The following RELN variants were observed in gnomAD, a reference collection of about 807,000 sequenced individuals.
RELN encodes the protein reelin.
RELN carries 108 observed loss-of-function variants against 427.6 expected under a neutral mutation model. The ratio of observed to expected loss-of-function variants is 0.25; its 90% CI spans 0.22 to 0.30. The LOEUF is 0.30. Among genes scored for constraint, RELN ranks in the 10% least tolerant of loss-of-function variants. The pLI is 1.00. For missense variants in RELN, 3,715 were observed against 4,302.8 expected (o/e 0.86, Z 3.82); for synonymous variants, 1,524 against 1,513.4 (o/e 1.01, Z -0.16).
At chr7:103,504,229 A>C (rs774874750) in intron 51 of RELN, among the ~76,000 whole-genome samples, 3 of 152,154 alleles carry the variant, frequency 2.0e-5, no homozygotes, top group Non-Finnish European at 4.4e-5. Flanking sequence ...ATTTCACCTA[A>C]ATTTCTAAGT....
intron 51 of RELN, among the ~76,000 whole-genome samples, chr7:103,509,236 T>G (rs756534370): frequency 2.6e-5 from 4 of 152,208 alleles, no homozygotes; most frequent in Non-Finnish European, 5.9e-5. Context: ...GGCATCATGC[T>G]ACCTGACTTC....
chr7:103,786,356 T>C (rs114148860), intron 3 of RELN, among the ~76,000 whole-genome samples: 1 of 151,872 alleles, frequency 6.6e-6, no homozygotes, highest in East Asian at 1.9e-4. Flanking sequence ...TTATGTTTAA[T>C]ATTTATTATA....
At chr7:103,815,742 A>C (rs1321879700) in intron 3 of RELN, among the ~76,000 whole-genome samples, 2 of 152,178 alleles carry the variant, frequency 1.3e-5, no homozygotes, top group African/African-American at 2.4e-5. Context: ...TGACACACTG[A>C]GGTGTGTTAC....
chr7:103,555,927 T>C (rs1830511354), intron 38 of RELN, among the ~76,000 whole-genome samples: 1 of 152,242 alleles, frequency 6.6e-6, no homozygotes, highest in African/African-American at 2.4e-5. Flanking sequence ...CTTTTCCATT[T>C]TTGTGTTGCC....
intron 1 of RELN, among the ~76,000 whole-genome samples, chr7:103,974,122 AAG>A (rs1226677192): frequency 2.6e-5 from 4 of 152,122 alleles, no homozygotes; most frequent in Non-Finnish European, 4.4e-5. Context: ...CAGCCTGGGC[AAG>A]AGAGCAAGAC....
chr7:103,637,146 C>T (rs1039699265), intron 17 of RELN, among the ~76,000 whole-genome samples: 13 of 152,184 alleles, frequency 8.5e-5, no homozygotes, highest in African/African-American at 3.1e-4. Flanking sequence ...CTAGAATATA[C>T]AGGAGTGCCC....
chr7:103,975,866 G>A (rs931183678), intron 1 of RELN, among the ~76,000 whole-genome samples: 2 of 151,940 alleles, frequency 1.3e-5, no homozygotes, highest in Non-Finnish European at 2.9e-5. Context: ...AGTTTTAAAT[G>A]GTGTGGTCAG....
At chr7:103,475,701 C>T (rs1362760478) in intron 64 of RELN, among the ~76,000 whole-genome samples, 1 of 152,128 alleles carries the variant, frequency 6.6e-6, no homozygotes, top group African/African-American at 2.4e-5. Context: ...TACTTAACAG[C>T]TTTAAAGCAA....
chr7:103,813,738 C>T (rs558003539), intron 3 of RELN, among the ~76,000 whole-genome samples: 8 of 152,030 alleles, frequency 5.3e-5, no homozygotes, highest in Admixed American at 1.3e-4. Context: ...TCAGGAAGGT[C>T]TACAAGAAAA....
chr7:103,685,816 A>T (rs1440149130), intron 10 of RELN, among the ~76,000 whole-genome samples: 1 of 152,118 alleles, frequency 6.6e-6, no homozygotes, highest in African/African-American at 2.4e-5. Flanking sequence ...AACACAGAGT[A>T]ACTAAGTGAC....
rs1042060637 is a variant in RELN, at chr7:103,565,619, T to A, written c.4937-68A>T. 5.4e-6 allele frequency: 8 copies of A among 1,474,100 alleles called. No homozygotes were observed. In the Middle Eastern group the frequency reaches 5.3e-4, roughly 98 times the overall value. The allele number at this position is 1,474,100 out of a possible 1,614,324, so 91.3% of individuals were successfully genotyped here. On this transcript the variant is annotated intron_variant, in intron 33 of 64. Transcript: ENST00000428762. The stretch of plus-strand genomic sequence containing the variant: ...TTTTCTTATTTGGTGTTTATGCTTA[T>A]AATAAACATCTTCAATAGCAAACAA...
At chr7:103,798,283 G>C (rs1227905804) in intron 3 of RELN, among the ~76,000 whole-genome samples, 1 of 152,198 alleles carries the variant, frequency 6.6e-6, no homozygotes, top group Non-Finnish European at 1.5e-5. Context: ...GAGCTCTGCA[G>C]TCAAATCTAG....
intron 6 of RELN, among the ~76,000 whole-genome samples, chr7:103,742,738 A>G (rs1384778127): frequency 6.6e-6 from 1 of 152,180 alleles, no homozygotes; most frequent in South Asian, 2.1e-4. Flanking sequence ...AAACGAACAA[A>G]TCCTCTAAGA....
intron 4 of RELN, among the ~76,000 whole-genome samples, chr7:103,764,544 G>A (rs1791381637): frequency 6.6e-6 from 1 of 151,790 alleles, no homozygotes. Flanking sequence ...CAATATAAAA[G>A]CACAAAAAGA....
At chr7:103,836,219 C>A (rs960132334) in intron 2 of RELN, among the ~76,000 whole-genome samples, 6 of 152,136 alleles carry the variant, frequency 3.9e-5, no homozygotes, top group Non-Finnish European at 8.8e-5. Flanking sequence ...CTTGGCCTCC[C>A]AAAATGCCAG....
intron 22 of RELN, among the ~76,000 whole-genome samples, chr7:103,607,949 A>C (rs1425760579): frequency 6.6e-6 from 1 of 152,208 alleles, no homozygotes; most frequent in Non-Finnish European, 1.5e-5. Flanking sequence ...ACACAATGTA[A>C]TTTCTCTACG....
chr7:103,511,508 T>A (rs1263687417), intron 50 of RELN, among the ~76,000 whole-genome samples: 1 of 152,186 alleles, frequency 6.6e-6, no homozygotes, highest in Non-Finnish European at 1.5e-5. Flanking sequence ...ATTATCTGGG[T>A]AACTAAAAAG....
chr7:103,974,728 GTT>G (rs1467241584), intron 1 of RELN, among the ~76,000 whole-genome samples: 2 of 152,110 alleles, frequency 1.3e-5, no homozygotes, highest in African/African-American at 4.8e-5. Flanking sequence ...ATTTTTGTGT[GTT>G]TTCTATAAGG....
In RELN at chr7:103,573,122, A is replaced by G. The variant is rs1339496911; in HGVS notation, c.4512-862T>C. On this transcript the variant is annotated intron_variant, in intron 30 of 64. Transcript: ENST00000428762. The surrounding 1 kb of genome is among the most constrained non-coding windows in gnomAD (Gnocchi z 4.4). ...CCCGGCTAATTTTTCTATTTTCAGT[A>G]GAGACAGGGTTTTGCCATGTTGGCC... Among the ~76,000 whole-genome samples, 1 of 152,206 alleles carries G rather than the reference A, an allele frequency of 6.6e-6. No homozygotes were observed. The highest frequency in any genetic ancestry group is 1.9e-4 in the East Asian group (1 of 5,194).
Sources: gnomAD v4.1 joint callset for allele counts (sites outside exome capture counted in the v4.1 genomes callset) on GRCh38, gnomAD v4.1.1 for gene constraint, Gnocchi (gnomAD v3.1) non-coding constraint, MANE v1.5 for transcripts, NCBI Gene and HGNC (gene_info 2026-07-23, HGNC 2026-07-21) for gene names.